Variants in GALNT13 observed in about 807,000 individuals in gnomAD.
The protein encoded by GALNT13 is polypeptide N-acetylgalactosaminyltransferase 13.
A neutral mutation model predicts 64.2 loss-of-function variants in GALNT13; 28 were observed. The observed-to-expected ratio is 0.44, with a 90% CI of 0.32 to 0.60. The LOEUF (loss-of-function observed/expected upper bound fraction) is 0.60, where lower values mean the gene tolerates loss of function less well. GALNT13 is among the 20% of genes least tolerant of loss of function. The pLI, the probability that GALNT13 is intolerant of heterozygous loss-of-function variation, is 0.05. For missense variants in GALNT13, 577 were observed against 669.8 expected (o/e 0.86, Z 1.53); for synonymous variants, 214 against 224.6 (o/e 0.95, Z 0.42).
intron 3 of GALNT13, among the ~76,000 whole-genome samples, chr2:154,069,867 G>A (rs1339307837): frequency 1.3e-5 from 2 of 152,056 alleles, no homozygotes; most frequent in African/African-American, 4.8e-5. Flanking sequence ...TAGCATTCAT[G>A]TTTGTCCCCA....
chr2:153,251,461 C>CT, the GALNT13 span, among the ~76,000 whole-genome samples: 9 of 151,118 alleles, frequency 6.0e-5, no homozygotes, highest in Non-Finnish European at 4.4e-5. Context: ...AACAGGTACT[C>CT]TTTTTTTTTA....
intron 11 of GALNT13, among the ~76,000 whole-genome samples, chr2:154,425,365 GA>G (rs1254303018): frequency 2.0e-4 from 30 of 152,264 alleles, no homozygotes; most frequent in African/African-American, 6.3e-4. Context: ...TCATGTGAAT[GA>G]TATATTTATT....
the GALNT13 span, among the ~76,000 whole-genome samples, chr2:153,306,500 A>G: frequency 6.6e-6 from 1 of 152,206 alleles, no homozygotes; most frequent in Admixed American, 6.5e-5. Context: ...TTACTAGAGT[A>G]CATTCATATT....
chr2:154,166,245 A>G (rs1685015615), intron 4 of GALNT13, among the ~76,000 whole-genome samples: 1 of 152,126 alleles, frequency 6.6e-6, no homozygotes, highest in African/African-American at 2.4e-5. Flanking sequence ...TCTCTACTAA[A>G]AATGCAAAAA....
chr2:153,662,445 A>G, the GALNT13 span, among the ~76,000 whole-genome samples: 49 of 152,316 alleles, frequency 3.2e-4, no homozygotes, highest in African/African-American at 1.2e-3. Flanking sequence ...GAACTTAGCC[A>G]GTGACGATGG....
chr2:154,315,522 G>A (rs76742265), intron 9 of GALNT13, among the ~76,000 whole-genome samples: 10,239 of 152,206 alleles, frequency 0.067, 407 homozygotes, highest in African/African-American at 0.088. Flanking sequence ...GATGCCTAAA[G>A]GCTGGTGCAT....
intron 9 of GALNT13, among the ~76,000 whole-genome samples, chr2:154,302,219 G>A (rs1458251494): frequency 6.6e-6 from 1 of 151,916 alleles, no homozygotes; most frequent in Non-Finnish European, 1.5e-5. Context: ...CTATTACTGG[G>A]TGGTGGGATT....
chr2:154,253,955 A>G (rs1333513790), intron 7 of GALNT13, among the ~76,000 whole-genome samples: 1 of 152,182 alleles, frequency 6.6e-6, no homozygotes, highest in Admixed American at 6.5e-5. Context: ...ACTATATACA[A>G]TAAGAATTGG....
At chr2:154,400,859 G>A (rs1311887949) in intron 10 of GALNT13, among the ~76,000 whole-genome samples, 2 of 151,890 alleles carry the variant, frequency 1.3e-5, no homozygotes, top group African/African-American at 4.8e-5. Flanking sequence ...AAATTTAAGT[G>A]TAAGATTGAA....
chr2:154,319,850 T>G (rs963042337), intron 9 of GALNT13, among the ~76,000 whole-genome samples: 1 of 152,110 alleles, frequency 6.6e-6, no homozygotes, highest in Non-Finnish European at 1.5e-5. Flanking sequence ...TTGTAGTAGT[T>G]ATTTTTTCAT....
At chr2:153,149,217 G>C in the GALNT13 span, among the ~76,000 whole-genome samples, 2 of 151,818 alleles carry the variant, frequency 1.3e-5, no homozygotes, top group East Asian at 1.9e-4. Flanking sequence ...GCCCAGCAAG[G>C]TGTTTTGTTC....
At chr2:153,675,816 A>G in the GALNT13 span, among the ~76,000 whole-genome samples, 1 of 152,184 alleles carries the variant, frequency 6.6e-6, no homozygotes, top group African/African-American at 2.4e-5. Flanking sequence ...TTCAAAACTA[A>G]TGAAATCAAA....
intron 3 of GALNT13, among the ~76,000 whole-genome samples, chr2:154,020,607 G>C (rs938756732): frequency 3.9e-5 from 6 of 151,932 alleles, no homozygotes; most frequent in African/African-American, 1.2e-4. Context: ...TCAGCCCTTT[G>C]TCAGATGAGT....
At chr2:154,389,350 G>T (rs768899055) in intron 9 of GALNT13, among the ~76,000 whole-genome samples, 4 of 152,166 alleles carry the variant, frequency 2.6e-5, no homozygotes, top group Non-Finnish European at 5.9e-5. Flanking sequence ...TCTTGGCCAC[G>T]CTGGTGTTGA....
At chr2:153,730,304 A>T in the GALNT13 span, among the ~76,000 whole-genome samples, 28 of 152,098 alleles carry the variant, frequency 1.8e-4, no homozygotes, top group East Asian at 5.2e-3. Flanking sequence ...CAACCAACTG[A>T]TTTTTGACAA....
chr2:153,387,208 T>G, the GALNT13 span, among the ~76,000 whole-genome samples: 2 of 152,258 alleles, frequency 1.3e-5, 1 homozygote, highest in South Asian at 4.1e-4. Flanking sequence ...TGAAACTCTA[T>G]GAAGATCTAG....
At chr2:153,851,362 A>C in the GALNT13 span, among the ~76,000 whole-genome samples, 1 of 152,148 alleles carries the variant, frequency 6.6e-6, no homozygotes, top group Non-Finnish European at 1.5e-5. Flanking sequence ...CAGTTACCAG[A>C]AGACCTTCAC....
At chr2:153,553,350 G>C in the GALNT13 span, among the ~76,000 whole-genome samples, 2 of 147,780 alleles carry the variant, frequency 1.4e-5, no homozygotes, top group East Asian at 4.5e-4. Flanking sequence ...AAAAAAAATA[G>C]CTGAGTGTGG....
intron 3 of GALNT13, among the ~76,000 whole-genome samples, chr2:153,988,553 T>C (rs768645690): frequency 3.3e-5 from 5 of 152,008 alleles, no homozygotes; most frequent in Non-Finnish European, 5.9e-5. Context: ...CACTGCACTT[T>C]CCTTATCCAT....
Sources: allele counts gnomAD v4.1 joint callset (sites outside exome capture counted in the v4.1 genomes callset), GRCh38; gene constraint gnomAD v4.1.1; transcripts MANE v1.5; gene names NCBI Gene and HGNC (gene_info 2026-07-23, HGNC 2026-07-21).